Variants in SRPK2 observed in about 807,000 individuals in gnomAD.
SRPK2 encodes the protein SRSF protein kinase 2, also known as SFRS protein kinase 2.
SRPK2 carries 21 observed loss-of-function variants against 90.8 expected under a neutral mutation model. That is an observed-to-expected ratio of 0.23 (90% CI 0.16 to 0.33). SRPK2 has a LOEUF of 0.33. Ranked by LOEUF, SRPK2 falls within the 10% of genes least tolerant of loss-of-function variation. The pLI is 1.00. For synonymous variants in SRPK2, 288 were observed against 311.1 expected (o/e 0.93, Z 0.78); for missense variants, 620 against 869.0 (o/e 0.71, Z 3.60).
chr7:105,347,528 T>G (rs1816606405), intron 2 of SRPK2, among the ~76,000 whole-genome samples: 1 of 152,002 alleles, frequency 6.6e-6, no homozygotes, highest in Non-Finnish European at 1.5e-5. Flanking sequence ...AGTGAGATAT[T>G]CAGCCGAAGA....
At chr7:105,352,700 G>C (rs1174316883) in intron 2 of SRPK2, among the ~76,000 whole-genome samples, 1 of 152,192 alleles carries the variant, frequency 6.6e-6, no homozygotes, top group African/African-American at 2.4e-5. Context: ...AGGGTATCGA[G>C]ACCAGCCTGG....
chr7:105,156,762 C>G (rs1806558533), intron 7 of SRPK2, among the ~76,000 whole-genome samples: 1 of 152,208 alleles, frequency 6.6e-6, no homozygotes, highest in Non-Finnish European at 1.5e-5. Context: ...CCTCAACCTT[C>G]CAAAGTGCTG....
intron 2 of SRPK2, chr7:105,301,672 A>T: frequency 6.2e-7 from 1 of 1,611,582 alleles, no homozygotes; most frequent in Non-Finnish European, 8.5e-7. Flanking sequence ...GATTTCCTGG[A>T]CAGAAACATA....
chr7:105,217,122 C>T (rs2129614398), intron 2 of SRPK2, among the ~76,000 whole-genome samples: 1 of 152,358 alleles, frequency 6.6e-6, no homozygotes, highest in Middle Eastern at 3.4e-3. Flanking sequence ...CCTCCCATTC[C>T]TCTCTGTTCA....
chr7:105,319,458 T>C (rs184636394), intron 2 of SRPK2, among the ~76,000 whole-genome samples: 1 of 146,014 alleles, frequency 6.8e-6, no homozygotes, highest in Non-Finnish European at 1.5e-5. Flanking sequence ...TAACAATTTT[T>C]AGTTTTTATT....
rs111422529 is a variant in SRPK2 at position 105,176,727 on chromosome 7, A to G, written c.230-7462T>C. Among the ~76,000 whole-genome samples, 482 of 56,212 alleles carry G rather than the reference A, an allele frequency of 8.6e-3. 13 individuals are homozygous for G. The East Asian group carries it at 0.12, about 14-fold the overall frequency. 36.9% of individuals were successfully genotyped at this position (56,212 alleles called of 152,430 possible). A position where few individuals can be genotyped will look rare whatever the true frequency, so the allele number is the denominator to read the frequency against. Reference sequence around the variant, plus strand: ...TATGTGTATGTGTGTGTGTGTGTGTATGTATGTATGTATGTGTGTATATGT... The same window carrying G: ...TATGTGTATGTGTGTGTGTGTGTGTGTGTATGTATGTATGTGTGTATATGT... On this transcript the variant is annotated intron_variant, in intron 3 of 15. Coordinates refer to ENST00000393651, the MANE Select transcript of SRPK2 (RefSeq NM_182692.3).
chr7:105,176,238 A>G (rs1269353248), intron 3 of SRPK2, among the ~76,000 whole-genome samples: 2 of 152,234 alleles, frequency 1.3e-5, no homozygotes, highest in Non-Finnish European at 2.9e-5. Context: ...TATGATGAGC[A>G]CATCAGACAC....
chr7:105,166,060 G>A (rs1019848044), intron 6 of SRPK2, among the ~76,000 whole-genome samples: 13 of 152,220 alleles, frequency 8.5e-5, no homozygotes, highest in African/African-American at 3.1e-4. Context: ...GACACATTAC[G>A]ACTAAGGCCA....
intron 2 of SRPK2, among the ~76,000 whole-genome samples, chr7:105,216,031 C>A (rs1797417666): frequency 6.8e-6 from 1 of 147,338 alleles, no homozygotes; most frequent in Admixed American, 6.8e-5. Flanking sequence ...ATAGCCACTG[C>A]ACTCCAGCCT....
At chr7:105,194,422 T>C (rs1333439500) in intron 3 of SRPK2, among the ~76,000 whole-genome samples, 2 of 152,194 alleles carry the variant, frequency 1.3e-5, no homozygotes, top group Non-Finnish European at 2.9e-5. Flanking sequence ...CCATTTGCCC[T>C]GAAATGATGA....
intron 3 of SRPK2, among the ~76,000 whole-genome samples, chr7:105,201,684 C>T (rs547586041): frequency 1.3e-5 from 2 of 151,350 alleles, no homozygotes; most frequent in Admixed American, 1.3e-4. Flanking sequence ...CACATGCCTG[C>T]AGTTCCAACT....
At chr7:105,301,491 A>T in intron 2 of SRPK2, 2 of 1,161,836 alleles carry the variant, frequency 1.7e-6, no homozygotes, top group South Asian at 2.4e-5. Flanking sequence ...AGCACCGTCC[A>T]CTCAGGAGGC....
chr7:105,187,318 C>A (rs1484720754), intron 3 of SRPK2, among the ~76,000 whole-genome samples: 7 of 152,222 alleles, frequency 4.6e-5, no homozygotes, highest in Non-Finnish European at 8.8e-5. Flanking sequence ...CTTATCTCTT[C>A]TGCCTAGAAA....
At chr7:105,204,886 G>A (rs1032823989) in intron 2 of SRPK2, 1 of 405,588 alleles carries the variant, frequency 2.5e-6, no homozygotes, top group Non-Finnish European at 4.7e-6. Flanking sequence ...GTGGAATCTT[G>A]GTGTTATTGC....
intron 2 of SRPK2, among the ~76,000 whole-genome samples, chr7:105,310,002 G>A (rs1009011855): frequency 6.6e-6 from 1 of 152,196 alleles, no homozygotes; most frequent in Non-Finnish European, 1.5e-5. Flanking sequence ...AACTCCTCAC[G>A]CATGGGGGAG....
chr7:105,396,802 GAA>G (rs1448483224), intron 1 of SRPK2, among the ~76,000 whole-genome samples: 3 of 55,140 alleles, frequency 5.4e-5, no homozygotes, highest in Non-Finnish European at 9.1e-5. Flanking sequence ...AAGAGAAAGA[GAA>G]AGAAAGAAAG....
chr7:105,380,477 A>G (rs542514679), intron 2 of SRPK2, among the ~76,000 whole-genome samples: 1 of 152,132 alleles, frequency 6.6e-6, no homozygotes, highest in African/African-American at 2.4e-5. Flanking sequence ...AAGTAAAAGA[A>G]TAACACACCA....
intron 7 of SRPK2, among the ~76,000 whole-genome samples, chr7:105,150,337 GGC>G (rs1489237439): frequency 4.6e-5 from 7 of 152,176 alleles, no homozygotes; most frequent in African/African-American, 1.7e-4. Flanking sequence ...TGGCCAACAT[GGC>G]GAAACCCTGT....
At chr7:105,124,497 C>T (rs1450364162) in intron 15 of SRPK2, among the ~76,000 whole-genome samples, 1 of 151,532 alleles carries the variant, frequency 6.6e-6, no homozygotes, top group Non-Finnish European at 1.5e-5. Flanking sequence ...AAAAATTAGC[C>T]GGGCGTGGTG....
Sources: allele counts gnomAD v4.1 joint callset (sites outside exome capture counted in the v4.1 genomes callset), GRCh38; gene constraint gnomAD v4.1.1; transcripts MANE v1.5; gene names NCBI Gene and HGNC (gene_info 2026-07-23, HGNC 2026-07-21).